The following RAD21 variants were observed in gnomAD, a reference collection of about 807,000 sequenced individuals.
RAD21 encodes double-strand-break repair protein rad21 homolog.
RAD21 carries 18 observed loss-of-function variants against 71.5 expected under a neutral mutation model. The ratio of observed to expected loss-of-function variants is 0.25; its 90% CI spans 0.17 to 0.37. The LOEUF (loss-of-function observed/expected upper bound fraction) is 0.37. Ranked by LOEUF, RAD21 falls within the 10% of genes least tolerant of loss-of-function variation. The pLI is 1.00. For synonymous variants in RAD21, 248 were observed against 254.0 expected (o/e 0.98, Z 0.22); for missense variants, 493 against 769.1 (o/e 0.64, Z 4.25).
intron 1 of RAD21, among the ~76,000 whole-genome samples, chr8:116,868,631 A>G (rs1195172475): frequency 6.6e-6 from 1 of 152,192 alleles, no homozygotes; most frequent in Non-Finnish European, 1.5e-5. Context: ...TTTATATAGA[A>G]AAGCAAATAA....
At chr8:116,862,173 C>A (rs181845525) in intron 3 of RAD21, among the ~76,000 whole-genome samples, 16 of 151,946 alleles carry the variant, frequency 1.1e-4, no homozygotes, top group Admixed American at 6.6e-5. Flanking sequence ...AATGTTTAAA[C>A]GGACATATCA....
intron 9 of RAD21, among the ~76,000 whole-genome samples, chr8:116,853,232 C>T (rs1050057255): frequency 6.6e-6 from 1 of 152,064 alleles, no homozygotes; most frequent in East Asian, 1.9e-4. Context: ...GTGTGTACCA[C>T]CACACACGGC....
At chr8:116,864,783 T>A (rs775812225) in intron 2 of RAD21, among the ~76,000 whole-genome samples, 2 of 152,110 alleles carry the variant, frequency 1.3e-5, no homozygotes, top group Non-Finnish European at 2.9e-5. Context: ...GGTTCAGAGT[T>A]TAGCCTAGGA....
At chr8:116,867,982 C>CCT (rs927807793) in intron 1 of RAD21, among the ~76,000 whole-genome samples, 18 of 152,072 alleles carry the variant, frequency 1.2e-4, no homozygotes, top group African/African-American at 4.1e-4. Flanking sequence ...CACATTCATC[C>CCT]CTCTCTCTCT....
intron 3 of RAD21, 107 bp downstream of exon 3, chr8:116,863,023 A>G: frequency 1.4e-6 from 2 of 1,388,382 alleles, no homozygotes; most frequent in Non-Finnish European, 1.9e-6. Context: ...TTTCAATTAA[A>G]ACAAAGCATG....
rs748736944 is a variant in RAD21, at chr8:116,852,052, T to C, written c.1366A>G (p.Met456Val). ...TCTATGTTTGTTCTGCTGGCCTCCA[T>C]CACTGACTCCTGGAGGCGGCTTGGC... ...EEPSRLQESVMEASRTNIDES... is the reference protein window; with the variant it reads ...EEPSRLQESVVEASRTNIDES... Residue 456 changes from methionine to valine, a missense_variant, in exon 11 of 14, where the codon ATG becomes GTG. Coordinates refer to ENST00000297338, the MANE Select transcript of RAD21 (RefSeq NM_006265.3). The C allele has an allele frequency of 3.1e-6, 5 of 1,611,974 alleles. No individual in the cohort carries two copies. Among genetic ancestry groups the C allele is most frequent in the East Asian group, 2.2e-5 (1 of 44,812 alleles).
Position 116,846,351 on chromosome 8 carries a change from C to T in RAD21, c.*1149G>A. On this transcript the variant is annotated 3_prime_UTR_variant, in exon 14 of 14. Transcript: ENST00000297338. Reference sequence around the variant, plus strand: ...GCTAGAACTTTCAGTGTTAACTTTGCCCTAAAAAGTTAAGACATTCTGATA... The same window carrying T: ...GCTAGAACTTTCAGTGTTAACTTTGTCCTAAAAAGTTAAGACATTCTGATA... 4.9e-6 allele frequency: 1 copy of T among 202,210 alleles called. No homozygotes were observed. Among genetic ancestry groups the T allele is most frequent in the Non-Finnish European group, 9.3e-6 (1 of 107,480 alleles). The allele number at this position is 202,210 out of a possible 1,614,324, so 12.5% of individuals were successfully genotyped here. A position where few individuals can be genotyped will look rare whatever the true frequency, so the allele number is the denominator to read the frequency against.
chr8:116,867,585 T>G (rs529821248), intron 1 of RAD21, among the ~76,000 whole-genome samples: 2 of 152,288 alleles, frequency 1.3e-5, no homozygotes, highest in Middle Eastern at 3.4e-3. Context: ...TTCCCCTCTT[T>G]CACGGATTTA....
Position 116,858,383 on chromosome 8 carries a change from C to T in RAD21, c.450G>A (p.Gly150=), listed in dbSNP as rs188711205. ...CATTTTCTTGTAAAATACTGATGTTCCCAACTTCTTCTCTCATGGTTATCT... is the reference window on the plus strand; with the variant it reads ...CATTTTCTTGTAAAATACTGATGTTTCCAACTTCTTCTCTCATGGTTATCT... The part of the protein sequence containing the change: ...VEEITMREEV[G]NISILQENDF... Residue 150 remains glycine, a synonymous_variant, in exon 5 of 14, where the codon GGG becomes GGA. Coordinates refer to ENST00000297338, the MANE Select transcript of RAD21 (RefSeq NM_006265.3). 180 of 1,612,024 alleles carry T rather than the reference C, an allele frequency of 1.1e-4. No individual in the cohort carries two copies. The highest frequency in any genetic ancestry group is 1.4e-4 in the Non-Finnish European group (168 of 1,178,754).
At chr8:116,859,606 G>C (rs1472575869) in intron 4 of RAD21, among the ~76,000 whole-genome samples, 2 of 151,980 alleles carry the variant, frequency 1.3e-5, no homozygotes, top group South Asian at 2.1e-4. Flanking sequence ...AAATAATATG[G>C]GCAAACTTAA....
intron 2 of RAD21, among the ~76,000 whole-genome samples, chr8:116,865,482 G>T (rs1319121558): frequency 6.6e-6 from 1 of 152,090 alleles, no homozygotes; most frequent in African/African-American, 2.4e-5. Context: ...TTGACCAGCA[G>T]TGCAAACTGG....
chr8:116,872,117 TAAC>T (rs1471806183), intron 1 of RAD21, among the ~76,000 whole-genome samples: 2 of 152,156 alleles, frequency 1.3e-5, no homozygotes, highest in South Asian at 2.1e-4. Flanking sequence ...TAAAAAACTA[TAAC>T]AACTATATTA....
Position 116,848,979 on chromosome 8 carries a change from G to A in RAD21, c.1671C>T (p.Asn557=). The A allele has an allele frequency of 1.9e-6, 3 of 1,606,042 alleles. No homozygotes were observed. The highest frequency in any genetic ancestry group is 2.6e-6 in the Non-Finnish European group (3 of 1,176,164). Residue 557 remains asparagine (N), a synonymous_variant, in exon 13 of 14, where the codon AAC becomes AAT. Transcript: ENST00000297338. Reference sequence around the variant, plus strand: ...CATGAAGCATCTGCTGAGTCCTTTTGTTCCATCTTCTTTCTTCCTGATCTT... The same window carrying A: ...CATGAAGCATCTGCTGAGTCCTTTTATTCCATCTTCTTTCTTCCTGATCTT... The part of the protein sequence containing the change: ...GDQDQEERRW[N]KRTQQMLHGL...
Position 116,858,379 on chromosome 8 carries a change from T to C in RAD21, c.454A>G (p.Ile152Val), listed in dbSNP as rs897373910. The C allele has an allele frequency of 1.2e-6, 2 of 1,611,560 alleles. No homozygotes were observed. The highest frequency in any genetic ancestry group is 2.7e-5 in the African/African-American group (2 of 74,862). ...EITMREEVGNISILQENDFGD... is the reference protein window; with the variant it reads ...EITMREEVGNVSILQENDFGD... ...AAATCATTTTCTTGTAAAATACTGA[T>C]GTTCCCAACTTCTTCTCTCATGGTT... is the stretch of plus-strand genomic sequence containing the variant. Residue 152 changes from isoleucine (I) to valine (V), a missense_variant, in exon 5 of 14, where the codon ATC becomes GTC. This residue lies in a region of RAD21 where 165 missense variants were observed against 229.6 expected (regional missense o/e 0.72). Transcript: ENST00000297338.
rs1362514779 is a variant in RAD21, at chr8:116,846,726, T to C, written c.*774A>G. On this transcript the variant is annotated 3_prime_UTR_variant, in exon 14 of 14. Transcript: ENST00000297338. ...AACATCTTTTTAAAACTTTGATTTA[T>C]AGCTCCTAGAAAGTTATGTTTTTTA... 2 of 220,468 alleles carry C rather than the reference T, an allele frequency of 9.1e-6. No individual in the cohort carries two copies. Among genetic ancestry groups the C allele is most frequent in the East Asian group, 6.7e-5 (1 of 14,986 alleles). 13.7% of individuals were successfully genotyped at this position (220,468 alleles called of 1,614,324 possible). A position where few individuals can be genotyped will look rare whatever the true frequency, so the allele number is the denominator to read the frequency against.
chr8:116,849,289 GA>G (rs777970288), intron 12 of RAD21: 51 of 367,092 alleles, frequency 1.4e-4, no homozygotes, highest in Non-Finnish European at 2.4e-4. Context: ...GCGCTATAAG[GA>G]TGCTATCTAC....
chr8:116,854,548 T>C (rs902290392), intron 8 of RAD21, 80 bp from the exon 9 acceptor site: 3 of 1,052,000 alleles, frequency 2.9e-6, no homozygotes, highest in Admixed American at 3.9e-5. Flanking sequence ...GGACTGACTA[T>C]ATTCCCCTGC....
chr8:116,865,119 T>A (rs1263908761), intron 2 of RAD21, among the ~76,000 whole-genome samples: 1 of 152,140 alleles, frequency 6.6e-6, no homozygotes, highest in Non-Finnish European at 1.5e-5. Context: ...AAAAGCTCAG[T>A]TAGAAATGGT....
At chr8:116,870,257 T>C (rs533617703) in intron 1 of RAD21, among the ~76,000 whole-genome samples, 1 of 152,348 alleles carries the variant, frequency 6.6e-6, no homozygotes, top group African/African-American at 2.4e-5. Context: ...CTAGCGGTGG[T>C]GGCTCACGCC....
Sources: allele counts gnomAD v4.1 joint callset (sites outside exome capture counted in the v4.1 genomes callset), GRCh38; gene constraint gnomAD v4.1.1; regional missense constraint gnomAD v4.1.1; transcripts MANE v1.5; gene names NCBI Gene and HGNC (gene_info 2026-07-23, HGNC 2026-07-21).